PRRG2: variants seen among roughly 807,000 people sequenced by gnomAD.
PRRG2 encodes the protein proline rich and Gla domain 2, also known as transmembrane gamma-carboxyglutamic acid protein 2.
In PRRG2, 23 loss-of-function variants were observed where a neutral mutation model predicts 27.1. The observed-to-expected ratio is 0.85, with a 90% CI of 0.61 to 1.20. The LOEUF (loss-of-function observed/expected upper bound fraction) is 1.20. Among genes scored for constraint, PRRG2 ranks in the 50% most tolerant of loss-of-function variants. The pLI is 0.00. For missense variants in PRRG2, 276 were observed against 254.8 expected (o/e 1.08, Z -0.57); for synonymous variants, 104 against 103.4 (o/e 1.01, Z -0.03).
Position 49,583,632 on chromosome 19 carries a change from C to A in PRRG2, c.176C>A (p.Thr59Lys), listed in dbSNP as rs2080645796. ...RANHWDLELL[T>K]PGNLERECLE... is the part of the protein sequence containing the mutation. Reference sequence around the variant, plus strand: ...AACCACTGGGACCTGGAGCTGCTCACACCAGGGAACCTGGAACGGGAGTGT... The same window carrying A: ...AACCACTGGGACCTGGAGCTGCTCAAACCAGGGAACCTGGAACGGGAGTGT... Residue 59 changes from threonine to lysine, a missense_variant, in exon 3 of 7, where the codon ACA (threonine) becomes AAA (lysine). Coordinates refer to ENST00000246794, the MANE Select transcript of PRRG2 (RefSeq NM_000951.3). 2 of 1,614,232 alleles carry A rather than the reference C, an allele frequency of 1.2e-6. No homozygotes were observed. Among genetic ancestry groups the A allele is most frequent in the Non-Finnish European group, 1.7e-6 (2 of 1,180,040 alleles).
At chr19:49,581,653 G>A (rs2122225776) in intron 1 of PRRG2, among the ~76,000 whole-genome samples, 172 bp downstream of exon 1, 1 of 152,118 alleles carries the variant, frequency 6.6e-6, no homozygotes, top group Non-Finnish European at 1.5e-5. Context: ...TGCCTCTCTC[G>A]TAATCTTTGT....
rs755194955 is a variant in PRRG2 at position 49,588,528 on chromosome 19, T to A, written c.333T>A (p.Ala111=). ...GACGAGTGGATGTGGCCAGCCTGGC[T>A]GTGGGGCTGACAGGTGGCATCCTGC... ...GRGRVDVASL[A]VGLTGGILLI... is the part of the protein sequence containing the mutation. Residue 111 remains alanine (A), a synonymous_variant, in exon 5 of 7, where the codon GCT becomes GCA. Transcript: ENST00000246794. 1.3e-6 allele frequency: 2 copies of A among 1,587,994 alleles called. No individual in the cohort carries two copies. Among genetic ancestry groups the A allele is most frequent in the South Asian group, 2.3e-5 (2 of 86,964 alleles).
At position 49,589,925 on chromosome 19, in the gene PRRG2, C is replaced by T. The variant is rs774083924; in HGVS notation, c.463C>T (p.Pro155Ser). 1 of 1,612,276 alleles carries T rather than the reference C, an allele frequency of 6.2e-7. No individual in the cohort carries two copies. The highest frequency in any genetic ancestry group is 1.1e-5 in the South Asian group (1 of 91,054). The change falls in exon 6 of 7, where the codon CCT (proline) becomes TCT (serine). Residue 155 changes from proline to serine, a missense_variant. Physicochemically the swap from Pro to Ser is moderately conservative, Grantham distance 74. Coordinates refer to ENST00000246794, the MANE Select transcript of PRRG2 (RefSeq NM_000951.3). ...QEAGLISPLS[P>S]LNPLGPPTPL... is the part of the protein sequence containing the mutation. Reference sequence around the variant, plus strand: ...GGCCGGGCTCATTAGCCCTCTGAGTCCTTTGAACCCTCTGGGCCCACCGAC... The same window carrying T: ...GGCCGGGCTCATTAGCCCTCTGAGTTCTTTGAACCCTCTGGGCCCACCGAC...
In PRRG2 at chr19:49,589,883, A is replaced by G. The variant is rs1568418404; in HGVS notation, c.438-17A>G. ...CCTGTAAGTTGCCTCTGCTAACTGT[A>G]CCTTTGCTGTCCCCAGGGCCGGGCT... On this transcript the variant is annotated splice_polypyrimidine_tract_variant and intron_variant, in intron 5 of 6. Transcript: ENST00000246794. 6.8e-6 allele frequency: 11 copies of G among 1,611,698 alleles called. No homozygotes were observed. The highest frequency in any genetic ancestry group is 9.3e-6 in the Non-Finnish European group (11 of 1,179,406).
chr19:49,584,272 G>A (rs1395239916), intron 4 of PRRG2, among the ~76,000 whole-genome samples: 2 of 151,066 alleles, frequency 1.3e-5, no homozygotes, highest in African/African-American at 4.9e-5. Context: ...CCGGGTTCAC[G>A]CCATTCTCCT....
At chr19:49,588,176 C>A (rs2080686537) in intron 4 of PRRG2, among the ~76,000 whole-genome samples, 1 of 152,122 alleles carries the variant, frequency 6.6e-6, no homozygotes, top group South Asian at 2.1e-4. Context: ...GTTGGCCAGG[C>A]TGGTCTTGAG....
At chr19:49,583,465 C>T in intron 2 of PRRG2, 77 bp from the exon 3 acceptor site, 1 of 1,553,466 alleles carries the variant, frequency 6.4e-7, no homozygotes, top group Non-Finnish European at 8.8e-7. Flanking sequence ...CCTCCAGGAC[C>T]CCACTGCTTT....
At position 49,583,249 on chromosome 19, in the gene PRRG2, A is replaced by G; in HGVS notation, c.30A>G (p.Leu10=). ...GGGGCCACCCCTCTCTGCTGCTGCT[A>G]TATATGGCATTAACCACCTGCCTGG... is the stretch of plus-strand genomic sequence containing the variant. MRGHPSLLL[L]YMALTTCLDT... is the part of the protein sequence containing the mutation. Residue 10 remains leucine (L), a synonymous_variant, in exon 2 of 7, where the codon CTA becomes CTG. Coordinates refer to ENST00000246794, the MANE Select transcript of PRRG2 (RefSeq NM_000951.3). 6.2e-7 allele frequency: 1 copy of G among 1,614,126 alleles called. No homozygotes were observed. The highest frequency in any genetic ancestry group is 1.3e-5 in the African/African-American group (1 of 75,046).
chr19:49,583,250 T>C lies in PRRG2; in HGVS notation c.31T>C (p.Tyr11His). ...GGGCCACCCCTCTCTGCTGCTGCTATATATGGCATTAACCACCTGCCTGGA... is the reference window on the plus strand; with the variant it reads ...GGGCCACCCCTCTCTGCTGCTGCTACATATGGCATTAACCACCTGCCTGGA... The part of the protein sequence containing the change: MRGHPSLLLL[Y>H]MALTTCLDTS... The change falls in exon 2 of 7, where the codon TAT becomes CAT. Residue 11 changes from tyrosine (Y) to histidine (H), a missense_variant. By Grantham distance (83) the Tyr-to-His change is moderately conservative. Transcript: ENST00000246794. 6.2e-7 allele frequency: 1 copy of C among 1,614,174 alleles called. No individual in the cohort carries two copies. The highest frequency in any genetic ancestry group is 1.1e-5 in the South Asian group (1 of 91,088).
At chr19:49,581,575 G>A (rs113221080) in intron 1 of PRRG2, 94 bp downstream of exon 1, 5 of 146,496 alleles carry the variant, frequency 3.4e-5, no homozygotes, top group Non-Finnish European at 7.4e-5. Flanking sequence ...GGGCTCCTAG[G>A]CCCAGGAGTC....
chr19:49,585,911 C>T (rs1359112391), intron 4 of PRRG2, among the ~76,000 whole-genome samples: 1 of 151,934 alleles, frequency 6.6e-6, no homozygotes, highest in Admixed American at 6.6e-5. Context: ...GAAACCCCAT[C>T]TCTACTAAAG....
chr19:49,584,876 C>A (rs1452389095), intron 4 of PRRG2, among the ~76,000 whole-genome samples: 1 of 152,214 alleles, frequency 6.6e-6, no homozygotes, highest in Non-Finnish European at 1.5e-5. Context: ...CCACCTGAAC[C>A]CTTCCCTGGT....
chr19:49,586,617 C>G (rs1241806369), intron 4 of PRRG2, among the ~76,000 whole-genome samples: 1 of 152,042 alleles, frequency 6.6e-6, no homozygotes, highest in Non-Finnish European at 1.5e-5. Flanking sequence ...CTTTGGGAGG[C>G]CAAGGCGGGT....
chr19:49,590,146 G>T, intron 6 of PRRG2, 94 bp downstream of exon 6: 3 of 1,360,642 alleles, frequency 2.2e-6, no homozygotes, highest in Non-Finnish European at 2.9e-6. Flanking sequence ...TGGAATTTGG[G>T]CCTTCTTACC....
At chr19:49,584,562 G>A (rs553496228) in intron 4 of PRRG2, among the ~76,000 whole-genome samples, 7 of 152,074 alleles carry the variant, frequency 4.6e-5, no homozygotes, top group Non-Finnish European at 5.9e-5. Flanking sequence ...TCAACCTCCC[G>A]GGCTCAAGCG....
rs1283447748 is a variant in PRRG2 at position 49,588,495 on chromosome 19, A to G, written c.302-2A>G. The stretch of plus-strand genomic sequence containing the variant: ...TGTCTCCCCTTCCCTACTTTCCTGC[A>G]GGGCGTGGACGAGTGGATGTGGCCA... On this transcript the variant is annotated splice_acceptor_variant, in intron 4 of 6. Transcript: ENST00000246794. LOFTEE classifies it high-confidence loss of function. The G allele has an allele frequency of 5.7e-6, 9 of 1,590,530 alleles. No homozygotes were observed. Among genetic ancestry groups the G allele is most frequent in the Admixed American group, 5.3e-5 (3 of 56,474 alleles).
intron 4 of PRRG2, among the ~76,000 whole-genome samples, chr19:49,586,561 A>G (rs1249882615): frequency 6.7e-6 from 1 of 150,262 alleles, no homozygotes; most frequent in African/African-American, 2.4e-5. Context: ...TATTAAAAAC[A>G]TTTTTTTCCA....
intron 5 of PRRG2, among the ~76,000 whole-genome samples, chr19:49,588,951 A>G (rs2080693069): frequency 6.6e-6 from 1 of 151,854 alleles, no homozygotes. Context: ...GCGACGGTGC[A>G]GCCTGTGGTG....
chr19:49,583,555 TC>T lies in PRRG2; in HGVS notation c.104del (p.Pro35GlnfsTer7). ...EETDQEVFLG[P>X]PEAQSFLSSH... ...CTTTGGGTCCAGAAGTCTTCCTGGGTCCCCCAGAGGCCCAGAGCTTCCTGAG... is the reference window on the plus strand; with the variant it reads ...CTTTGGGTCCAGAAGTCTTCCTGGGTCCCCAGAGGCCCAGAGCTTCCTGAG... On this transcript the variant is annotated frameshift_variant, in exon 3 of 7. Coordinates refer to ENST00000246794, the MANE Select transcript of PRRG2 (RefSeq NM_000951.3). LOFTEE classifies it high-confidence loss of function. 1 of 1,613,984 alleles carries T rather than the reference TC, an allele frequency of 6.2e-7. No homozygotes were observed. Among genetic ancestry groups the T allele is most frequent in the Non-Finnish European group, 8.5e-7 (1 of 1,179,970 alleles).
Sources: allele counts gnomAD v4.1 joint callset (sites outside exome capture counted in the v4.1 genomes callset), GRCh38; gene constraint gnomAD v4.1.1; transcripts MANE v1.5; gene names NCBI Gene and HGNC (gene_info 2026-07-23, HGNC 2026-07-21).